The following CANT1 variants were observed in gnomAD, a reference collection of about 807,000 sequenced individuals.
The protein encoded by CANT1 is soluble calcium-activated nucleotidase 1.
A neutral mutation model predicts 30.0 loss-of-function variants in CANT1; 26 were observed. That is an observed-to-expected ratio of 0.87 (90% CI 0.64 to 1.20). CANT1 has a LOEUF of 1.20. CANT1 is among the 50% of genes most tolerant of loss of function. The probability of loss-of-function intolerance (pLI) is 0.00; values close to 1 mark genes in which losing one functional copy is unlikely to be tolerated. For synonymous variants in CANT1, 246 were observed against 251.8 expected, an observed-to-expected ratio of 0.98 and a Z score of 0.22; for missense variants, 518 against 563.0, an observed-to-expected ratio of 0.92 and a Z score of 0.81.
intron 1 of CANT1, among the ~76,000 whole-genome samples, chr17:79,003,070 G>A (rs1220707959): frequency 2.0e-5 from 3 of 152,072 alleles, no homozygotes; most frequent in African/African-American, 4.8e-5. Flanking sequence ...GCACAGTTGG[G>A]GAGACAGACT....
rs1198415323 is a variant in CANT1 at position 79,005,201 on chromosome 17, G to GGGGAGTTAGGGAGAA, written c.-147+4448_-147+4462dup. 3.5e-5 allele frequency among the ~76,000 whole-genome samples: 5 copies of GGGGAGTTAGGGAGAA among 142,676 alleles called. 1 individual carries two copies. The highest frequency in any genetic ancestry group is 4.5e-4 in the East Asian group (2 of 4,412). 93.6% of individuals were successfully genotyped at this position (142,676 alleles called of 152,430 possible). On this transcript the variant is annotated intron_variant, in intron 1 of 4. Transcript: ENST00000392446. ...GAGTTAGGGAAGGGAGTTAGGGAGA[G>GGGGAGTTAGGGAGAA]GGGAGTTAGGGAGAAGGGAGTTAGG...
chr17:79,000,526 G>A (rs1339810658), intron 1 of CANT1, among the ~76,000 whole-genome samples: 1 of 139,022 alleles, frequency 7.2e-6, no homozygotes, highest in Non-Finnish European at 1.5e-5. Flanking sequence ...ACACTCCCTC[G>A]CCACCTGCCA....
intron 1 of CANT1, among the ~76,000 whole-genome samples, chr17:79,004,057 A>C: frequency 9.9e-5 from 1 of 10,116 alleles, no homozygotes; most frequent in South Asian, 7.5e-3. Flanking sequence ...GGAGTTAGGG[A>C]GGGGGAGTTA....
chr17:78,997,917 C>G lies in CANT1; in HGVS notation c.-100G>C. 1 of 381,574 alleles carries G rather than the reference C, an allele frequency of 2.6e-6. No homozygotes were observed. Among genetic ancestry groups the G allele is most frequent in the South Asian group, 6.3e-5 (1 of 15,888 alleles). The allele number at this position is 381,574 out of a possible 1,614,324, so 23.6% of individuals were successfully genotyped here. On this transcript the variant is annotated 5_prime_UTR_variant, in exon 2 of 5. Transcript: ENST00000392446. The surrounding 1 kb of genome is among the most constrained non-coding windows in gnomAD (Gnocchi z 7.5). ...CTGTCCCAGCTGGCAACGTGGGAAG[C>G]TGAGTGAGGAAGGAAGTTCCATGCA...
intron 1 of CANT1, among the ~76,000 whole-genome samples, chr17:78,999,821 T>C (rs1278347465): frequency 6.6e-6 from 1 of 151,680 alleles, no homozygotes; most frequent in Non-Finnish European, 1.5e-5. Flanking sequence ...GCCCGTCTAA[T>C]TTTGTATTTT....
rs2070852356 is a variant in CANT1 at position 78,991,868 on chromosome 17, T to TC, written c.*1681dup. ...TCACTGCCTATGCGAAGAGGCTGCT[T>TC]CCGGGCACCTGGGCTGTGACTCAGG... On this transcript the variant is annotated 3_prime_UTR_variant, in exon 5 of 5. Transcript: ENST00000392446. The TC allele has an allele frequency of 2.2e-5, 5 of 231,294 alleles. No homozygotes were observed. The highest frequency in any genetic ancestry group is 4.3e-5 in the Non-Finnish European group (5 of 116,964). The allele number at this position is 231,294 out of a possible 1,614,324, so 14.3% of individuals were successfully genotyped here.
Position 78,996,313 on chromosome 17 carries a change from G to A in CANT1, c.631+679C>T, listed in dbSNP as rs1212623642. On this transcript the variant is annotated intron_variant, in intron 3 of 4. Transcript: ENST00000392446. This position sits in a 1 kb window ranked among gnomAD's most constrained non-coding sequence, Gnocchi z 5.1. ...GATCCACCGCCAGCTCAGACAAACG[G>A]AGCTCAGAGGAGCTGGCAGCTCCTC... is the stretch of plus-strand genomic sequence containing the variant. Among the ~76,000 whole-genome samples, 1 of 152,144 alleles carries A rather than the reference G, an allele frequency of 6.6e-6. No homozygotes were observed. The highest frequency in any genetic ancestry group is 2.4e-5 in the African/African-American group (1 of 41,440).
In CANT1 at chr17:78,992,817, T is replaced by A; in HGVS notation, c.*733A>T. 1 of 426,900 alleles carries A rather than the reference T, an allele frequency of 2.3e-6. No individual in the cohort carries two copies. The highest frequency in any genetic ancestry group is 2.1e-5 in the South Asian group (1 of 47,124). 26.4% of individuals were successfully genotyped at this position (426,900 alleles called of 1,614,324 possible). ...GCTCTGTGTGATAAGATTTGGTGAT[T>A]CCACTTTATAAGAAAGGAAACTGCT... On this transcript the variant is annotated 3_prime_UTR_variant, in exon 5 of 5. Transcript: ENST00000392446.
At chr17:79,003,894 C>T (rs1295863196) in intron 1 of CANT1, among the ~76,000 whole-genome samples, 1 of 142,044 alleles carries the variant, frequency 7.0e-6, no homozygotes, top group Non-Finnish European at 1.5e-5. Flanking sequence ...TCCCACAGGA[C>T]ACTCCCAGAG....
intron 1 of CANT1, among the ~76,000 whole-genome samples, chr17:79,004,200 A>G (rs935457235): frequency 0.012 from 37 of 3,148 alleles, no homozygotes; most frequent in South Asian, 0.025. Context: ...AGGGAGAGGG[A>G]GGTTAGGGAG....
intron 4 of CANT1, among the ~76,000 whole-genome samples, chr17:78,994,721 G>A (rs2070968387): frequency 6.6e-6 from 1 of 152,176 alleles, no homozygotes; most frequent in South Asian, 2.1e-4. Flanking sequence ...TCAGGAGTTC[G>A]AGACCATCCT....
At position 78,993,409 on chromosome 17, in the gene CANT1, A is replaced by G. The variant is rs1036829901; in HGVS notation, c.*141T>C. ...CCGGGGGTCCAGTGCCCGCACCACT[A>G]TGGGGCCCGGGACTGGGCTCCCTGT... On this transcript the variant is annotated 3_prime_UTR_variant, in exon 5 of 5. Coordinates refer to ENST00000392446, the MANE Select transcript of CANT1 (RefSeq NM_001159773.2). This position sits in a 1 kb window ranked among gnomAD's most constrained non-coding sequence, Gnocchi z 4.5. 8 of 1,274,420 alleles carry G rather than the reference A, an allele frequency of 6.3e-6. No homozygotes were observed. The highest frequency in any genetic ancestry group is 5.9e-5 in the African/African-American group (4 of 67,766). 78.9% of individuals were successfully genotyped at this position (1,274,420 alleles called of 1,614,324 possible).
intron 1 of CANT1, among the ~76,000 whole-genome samples, chr17:78,999,859 G>T (rs1227718814): frequency 6.6e-6 from 1 of 151,876 alleles, no homozygotes; most frequent in Admixed American, 6.6e-5. Context: ...CTCCATGTTG[G>T]TCAGGCTGGT....
rs150916334 is a variant in CANT1 at position 79,008,023 on chromosome 17, G to A, written c.-147+1641C>T. 1.3e-5 allele frequency: 2 copies of A among 152,352 alleles called. No homozygotes were observed. The highest frequency in any genetic ancestry group is 2.9e-5 in the Non-Finnish European group (2 of 68,058). The allele number at this position is 152,352 out of a possible 1,614,324, so 9.4% of individuals were successfully genotyped here. ...TAGAAGTTGGTCCCCACACTGCTGC[G>A]GTGGCCTCATGACAGTGCCTGGACA... On this transcript the variant is annotated intron_variant, in intron 1 of 4. Coordinates refer to ENST00000392446, the MANE Select transcript of CANT1 (RefSeq NM_001159773.2). The surrounding 1 kb of genome is among the most constrained non-coding windows in gnomAD (Gnocchi z 4.4).
chr17:78,997,101 A>G lies in CANT1; in HGVS notation c.522T>C (p.Asn174=), dbSNP rs368203123. The G allele has an allele frequency of 1.2e-6, 2 of 1,614,012 alleles. No homozygotes were observed. Among genetic ancestry groups the G allele is most frequent in the African/African-American group, 2.7e-5 (2 of 74,916 alleles). ...GGTCATCCACGGAGTAGAGTTTCCC[A>G]TTGAAAACAATCAGGTCGGATAGCT... is the stretch of plus-strand genomic sequence containing the variant. The part of the protein sequence containing the change: ...GMELSDLIVF[N]GKLYSVDDRT... Residue 174 remains asparagine (N), a synonymous_variant, in exon 3 of 5, where the codon AAT becomes AAC. Coordinates refer to ENST00000392446, the MANE Select transcript of CANT1 (RefSeq NM_001159773.2). This position sits in a 1 kb window ranked among gnomAD's most constrained non-coding sequence, Gnocchi z 7.5.
chr17:79,009,161 T>G (rs914449437), intron 1 of CANT1, among the ~76,000 whole-genome samples: 1 of 141,712 alleles, frequency 7.1e-6, no homozygotes. Flanking sequence ...GTGCCCCACA[T>G]GAATCAGAGG....
rs955876669 is a variant in CANT1 at position 78,991,822 on chromosome 17, G to A, written c.*1728C>T. 11 of 228,364 alleles carry A rather than the reference G, an allele frequency of 4.8e-5. No individual in the cohort carries two copies. The highest frequency in any genetic ancestry group is 2.4e-4 in the African/African-American group (11 of 45,068). The allele number at this position is 228,364 out of a possible 1,614,324, so 14.1% of individuals were successfully genotyped here. On this transcript the variant is annotated 3_prime_UTR_variant, in exon 5 of 5. Transcript: ENST00000392446. The stretch of plus-strand genomic sequence containing the variant: ...GAACAGAGAGGGGAAGAAAAAAGGT[G>A]AGCTTTAAAGTAATCGCAAATCACT...
rs747973861 is a variant in CANT1, at chr17:78,997,147, G to A, written c.476C>T (p.Ala159Val). ...KDHGVLESHL[A>V]EKGRGMELSD... The stretch of plus-strand genomic sequence containing the variant: ...TAGCTCCATGCCTCTCCCCTTCTCC[G>A]CCAGGTGGGACTCCAGGACCCCATG... The change falls in exon 3 of 5, where the codon GCG becomes GTG. Residue 159 changes from alanine (A) to valine (V), a missense_variant. Ala to Val is a moderately conservative substitution (Grantham distance 64, BLOSUM62 0). This residue lies in a region of CANT1 where 249 missense variants were observed against 268.8 expected (regional missense o/e 0.93). Coordinates refer to ENST00000392446, the MANE Select transcript of CANT1 (RefSeq NM_001159773.2). This position sits in a 1 kb window ranked among gnomAD's most constrained non-coding sequence, Gnocchi z 7.5. 2.5e-6 allele frequency: 4 copies of A among 1,614,088 alleles called. No individual in the cohort carries two copies. Among genetic ancestry groups the A allele is most frequent in the Non-Finnish European group, 3.4e-6 (4 of 1,180,030 alleles).
intron 1 of CANT1, among the ~76,000 whole-genome samples, chr17:79,005,641 G>A (rs2071523327): frequency 1.3e-5 from 2 of 152,222 alleles, no homozygotes; most frequent in East Asian, 1.9e-4. Context: ...GGGTAGGCAG[G>A]TGGCAGGTGC....
Sources: gnomAD v4.1 joint callset for allele counts (sites outside exome capture counted in the v4.1 genomes callset) on GRCh38, gnomAD v4.1.1 for gene constraint, gnomAD v4.1.1 regional missense constraint, Gnocchi (gnomAD v3.1) non-coding constraint, MANE v1.5 for transcripts, NCBI Gene and HGNC (gene_info 2026-07-23, HGNC 2026-07-21) for gene names.